ADPGK: variants seen among roughly 807,000 people sequenced by gnomAD.
ADPGK encodes ADP-dependent glucokinase.
ADPGK carries 26 observed loss-of-function variants against 42.4 expected under a neutral mutation model. The ratio of observed to expected loss-of-function variants is 0.61; its 90% CI spans 0.45 to 0.85. The LOEUF is 0.85. Among genes scored for constraint, ADPGK ranks in the 40% least tolerant of loss-of-function variants. ADPGK has a pLI of 0.00. For missense variants in ADPGK, 571 were observed against 627.0 expected, an observed-to-expected ratio of 0.91 and a Z score of 0.95; for synonymous variants, 267 against 252.6, an observed-to-expected ratio of 1.06 and a Z score of -0.54.
At chr15:72,756,809 C>G in intron 4 of ADPGK, 1 of 259,708 alleles carries the variant, frequency 3.9e-6, no homozygotes, top group South Asian at 6.0e-5. Context: ...CACGCACGCC[C>G]TGCAGACAGT....
chr15:72,752,249 A>C lies in ADPGK; in HGVS notation c.*92T>G, dbSNP rs572575034. ...ACCTGATACAGTTTAATCTGCTTTTATTTCTTTGGCTGTCTTCCAAACCAC... is the reference window on the plus strand; with the variant it reads ...ACCTGATACAGTTTAATCTGCTTTTCTTTCTTTGGCTGTCTTCCAAACCAC... On this transcript the variant is annotated 3_prime_UTR_variant, in exon 7 of 7. Coordinates refer to ENST00000456471, the MANE Select transcript of ADPGK (RefSeq NM_001365225.1). The C allele has an allele frequency of 3.2e-6, 4 of 1,267,712 alleles. No individual in the cohort carries two copies. The African/African-American group carries it at 4.5e-5, about 14-fold the overall frequency. 78.5% of individuals were successfully genotyped at this position (1,267,712 alleles called of 1,614,324 possible).
At chr15:72,774,041 C>A (rs1203765853) in intron 2 of ADPGK, among the ~76,000 whole-genome samples, 1 of 152,132 alleles carries the variant, frequency 6.6e-6, no homozygotes, top group Non-Finnish European at 1.5e-5. Flanking sequence ...CAGGGTTTCA[C>A]CATGTTGCCC....
At chr15:72,759,232 G>A (rs1445135529) in intron 4 of ADPGK, among the ~76,000 whole-genome samples, 2 of 152,148 alleles carry the variant, frequency 1.3e-5, no homozygotes, top group African/African-American at 2.4e-5. Flanking sequence ...CACCACGTGC[G>A]GCCAGGTCAT....
chr15:72,783,380 G>A (rs1443931140), intron 1 of ADPGK, 79 bp downstream of exon 1: 1 of 1,310,638 alleles, frequency 7.6e-7, no homozygotes, highest in African/African-American at 1.5e-5. Flanking sequence ...CCTCTGAGAA[G>A]CCCTGTTTCT....
At chr15:72,754,798 CAG>C (rs1425220122) in intron 6 of ADPGK, among the ~76,000 whole-genome samples, 9 of 152,056 alleles carry the variant, frequency 5.9e-5, no homozygotes, top group African/African-American at 1.7e-4. Context: ...AAGTGAAGAA[CAG>C]AGTATTCAGT....
In ADPGK at chr15:72,752,196, T is replaced by G. The variant is rs544204909; in HGVS notation, c.*145A>C. On this transcript the variant is annotated 3_prime_UTR_variant, in exon 7 of 7. Coordinates refer to ENST00000456471, the MANE Select transcript of ADPGK (RefSeq NM_001365225.1). ...ATTCGGATTAAAATCTGAAATGTTT[T>G]TATGGAGTTGCCAACAGGCTGGAAT... 1 of 828,360 alleles carries G rather than the reference T, an allele frequency of 1.2e-6. No individual in the cohort carries two copies. The highest frequency in any genetic ancestry group is 2.1e-5 in the South Asian group (1 of 48,770). The allele number at this position is 828,360 out of a possible 1,614,324, so 51.3% of individuals were successfully genotyped here.
At chr15:72,776,408 T>A (rs1188297211) in intron 1 of ADPGK, among the ~76,000 whole-genome samples, 2 of 152,268 alleles carry the variant, frequency 1.3e-5, no homozygotes, top group Non-Finnish European at 1.5e-5. Flanking sequence ...CCACCCCTAG[T>A]GATACGGGTG....
At chr15:72,753,244 A>G (rs2066070727) in intron 6 of ADPGK, among the ~76,000 whole-genome samples, 1 of 152,228 alleles carries the variant, frequency 6.6e-6, no homozygotes, top group Non-Finnish European at 1.5e-5. Context: ...CTGATGGGGC[A>G]TGGCTCTCAG....
chr15:72,760,487 A>T lies in ADPGK; in HGVS notation c.563T>A (p.Leu188His). ...CGPVGPKLHE[L>H]LDDNVFVPPE... ...TGGAACAAAGACATTGTCATCAAGA[A>T]GCTCATGTAGCTTTGGACCAACTGG... The change falls in exon 4 of 7, where the codon CTT becomes CAT. Residue 188 changes from leucine to histidine, a missense_variant. Physicochemically the swap from Leu to His is moderately conservative, Grantham distance 99. Around this residue, in one of 2 missense-constraint regions of ADPGK, gnomAD observed 434 missense variants for 522.7 expected, o/e 0.83. Coordinates refer to ENST00000456471, the MANE Select transcript of ADPGK (RefSeq NM_001365225.1). 1 of 1,609,774 alleles carries T rather than the reference A, an allele frequency of 6.2e-7. No homozygotes were observed.
chr15:72,752,429 A>G lies in ADPGK; in HGVS notation c.1406T>C (p.Val469Ala). The G allele has an allele frequency of 6.2e-7, 1 of 1,614,170 alleles. No homozygotes were observed. Among genetic ancestry groups the G allele is most frequent in the Non-Finnish European group, 8.5e-7 (1 of 1,180,028 alleles). Residue 469 changes from valine (V) to alanine (A), a missense_variant, in exon 7 of 7, where the codon GTG becomes GCG. By Grantham distance (64) the Val-to-Ala change is moderately conservative. Coordinates refer to ENST00000456471, the MANE Select transcript of ADPGK (RefSeq NM_001365225.1). ...GISFHFTPVLVCKDPIRTVGL... is the reference protein window; with the variant it reads ...GISFHFTPVLACKDPIRTVGL... ...TACAGTTCGAATGGGGTCTTTACAC[A>G]CCAATACTGGTGTGAAGTGGAAGGA... is the stretch of plus-strand genomic sequence containing the variant.
intron 1 of ADPGK, among the ~76,000 whole-genome samples, chr15:72,779,860 G>T (rs1283654022): frequency 1.3e-5 from 2 of 152,196 alleles, no homozygotes; most frequent in Non-Finnish European, 2.9e-5. Flanking sequence ...GTAGCTGACA[G>T]AGAAGCTTCA....
chr15:72,753,793 T>C (rs2066077181), intron 6 of ADPGK, among the ~76,000 whole-genome samples: 1 of 152,146 alleles, frequency 6.6e-6, no homozygotes, highest in Non-Finnish European at 1.5e-5. Context: ...AAGGGTTAAG[T>C]AGACAGTTAC....
chr15:72,758,170 C>T (rs2066140539), intron 4 of ADPGK: 16 of 1,571,940 alleles, frequency 1.0e-5, no homozygotes, highest in Non-Finnish European at 1.4e-5. Context: ...TAGACACAAA[C>T]ACCTCCAGCA....
chr15:72,777,354 G>T (rs2066402868), intron 1 of ADPGK, among the ~76,000 whole-genome samples: 1 of 152,130 alleles, frequency 6.6e-6, no homozygotes, highest in African/African-American at 2.4e-5. Flanking sequence ...AAGAGTAAAG[G>T]TTCAGAAATG....
chr15:72,783,407 C>T, intron 1 of ADPGK, 52 bp downstream of exon 1: 1 of 1,317,824 alleles, frequency 7.6e-7, no homozygotes, highest in Non-Finnish European at 9.6e-7. Flanking sequence ...CTCCGCCCGA[C>T]CTCCAAGGCC....
rs1566962322 is a variant in ADPGK at position 72,775,024 on chromosome 15, C to T, written c.307G>A (p.Gly103Arg). Reference sequence around the variant, plus strand: ...GAATGCAGAATGCTGTGATCTTTCCCATTCCCAGGACTAAGGCCAAGTGCC... The same window carrying T: ...GAATGCAGAATGCTGTGATCTTTCCTATTCCCAGGACTAAGGCCAAGTGCC... ...LQALGLSPGNGKDHSILHSRN... is the reference protein window; with the variant it reads ...LQALGLSPGNRKDHSILHSRN... The change falls in exon 2 of 7, where the codon GGG (glycine) becomes AGG (arginine). Residue 103 changes from glycine to arginine, a missense_variant. Gly to Arg is a moderately radical substitution (Grantham distance 125). Transcript: ENST00000456471. 1.2e-6 allele frequency: 2 copies of T among 1,614,162 alleles called. No homozygotes were observed. Among genetic ancestry groups the T allele is most frequent in the Admixed American group, 1.7e-5 (1 of 60,014 alleles).
intron 3 of ADPGK, among the ~76,000 whole-genome samples, chr15:72,767,958 CAG>C (rs1427898007): frequency 6.6e-6 from 1 of 151,598 alleles, no homozygotes; most frequent in African/African-American, 2.4e-5. Flanking sequence ...AATAGAAAAA[CAG>C]AGAAAAATAA....
chr15:72,758,250 T>G, intron 4 of ADPGK: 2 of 881,088 alleles, frequency 2.3e-6, no homozygotes, highest in Non-Finnish European at 3.9e-6. Flanking sequence ...CCTGTAATGG[T>G]AGTTAGCGCC....
intron 1 of ADPGK, among the ~76,000 whole-genome samples, chr15:72,777,657 A>G (rs2066406328): frequency 6.6e-6 from 1 of 152,042 alleles, no homozygotes; most frequent in Non-Finnish European, 1.5e-5. Context: ...CAGCCTGGGC[A>G]ACAGAGCAAG....
Sources: gnomAD v4.1 joint callset for allele counts (sites outside exome capture counted in the v4.1 genomes callset) on GRCh38, gnomAD v4.1.1 for gene constraint, gnomAD v4.1.1 regional missense constraint, MANE v1.5 for transcripts, NCBI Gene and HGNC (gene_info 2026-07-23, HGNC 2026-07-21) for gene names.